SI: variants seen among roughly 807,000 people sequenced by gnomAD.
The protein encoded by SI is sucrase-isomaltase, also known as sucrase-isomaltase, intestinal.
SI carries 235 observed loss-of-function variants against 253.3 expected under a neutral mutation model. The observed-to-expected ratio is 0.93, with a 90% confidence interval of 0.83 to 1.03. SI has a LOEUF of 1.03. Among genes scored for constraint, SI ranks in the 50% least tolerant of loss-of-function variants. The pLI, the probability that SI is intolerant of heterozygous loss-of-function variation, is 0.00. For missense variants in SI, 2,442 were observed against 2,211.1 expected, an observed-to-expected ratio of 1.10 and a Z score of -2.09; for synonymous variants, 819 against 712.0, an observed-to-expected ratio of 1.15 and a Z score of -2.39.
At chr3:165,039,039 T>C (rs1576902340) in intron 20 of SI, 39 bp downstream of exon 20, 1 of 1,306,428 alleles carries the variant, frequency 7.7e-7, no homozygotes, top group Non-Finnish European at 1.1e-6. Flanking sequence ...TTTGAAAATA[T>C]AATACTTGTG....
chr3:165,018,473 T>C (rs1007790716), intron 28 of SI, among the ~76,000 whole-genome samples: 8 of 150,856 alleles, frequency 5.3e-5, no homozygotes, highest in African/African-American at 2.4e-5. Flanking sequence ...TAGTAAAATG[T>C]CCTAGAAATG....
intron 7 of SI, among the ~76,000 whole-genome samples, chr3:165,064,403 G>A (rs1714127293): frequency 6.6e-6 from 1 of 152,112 alleles, no homozygotes; most frequent in African/African-American, 2.4e-5. Context: ...GCTGCAAACA[G>A]AGATTAGTAA....
intron 31 of SI, 72 bp from the exon 32 acceptor site, chr3:165,016,152 T>G: frequency 7.4e-7 from 1 of 1,351,470 alleles, no homozygotes; most frequent in Non-Finnish European, 1.1e-6. Flanking sequence ...TTTATCATAC[T>G]TATAAAAGTA....
intron 44 of SI, among the ~76,000 whole-genome samples, chr3:164,989,101 A>C (rs9863015): frequency 0.44 from 65,333 of 148,830 alleles, 16,418 homozygotes; most frequent in East Asian, 0.78. Context: ...TAAATAAATA[A>C]ATAAATACAT....
At position 165,068,977 on chromosome 3, in the gene SI, C is replaced by G. The variant is rs934506182; in HGVS notation, c.373+101G>C. On this transcript the variant is annotated intron_variant, in intron 4 of 47. Coordinates refer to ENST00000264382, the MANE Select transcript of SI (RefSeq NM_001041.4). Reference sequence around the variant, plus strand: ...CAAAAATAAGGAATTTGAACATTCTCAGGAACATATTTCTTATTTGATTCT... The same window carrying G: ...CAAAAATAAGGAATTTGAACATTCTGAGGAACATATTTCTTATTTGATTCT... The G allele has an allele frequency of 1.8e-5, 19 of 1,057,866 alleles. No homozygotes were observed. In the African/African-American group the frequency reaches 1.9e-4, roughly 11 times the overall value. 65.5% of individuals were successfully genotyped at this position (1,057,866 alleles called of 1,614,324 possible). A position where few individuals can be genotyped will look rare whatever the true frequency, so the allele number is the denominator to read the frequency against.
At chr3:165,038,986 A>G (rs1712677517) in intron 20 of SI, 92 bp downstream of exon 20, 1 of 761,726 alleles carries the variant, frequency 1.3e-6, no homozygotes, top group Admixed American at 2.1e-5. Flanking sequence ...TATGTATGCT[A>G]TGTAGTTAAG....
rs373731248 is a variant in SI at position 165,015,108 on chromosome 3, A to G, written c.3999+15T>C. The G allele has an allele frequency of 6.4e-6, 10 of 1,553,584 alleles. No individual in the cohort carries two copies. The highest frequency in any genetic ancestry group is 2.7e-5 in the African/African-American group (2 of 73,706). ...ATTTTTGTATTTATTCTATTTCAAG[A>G]TATCGATTTAGTACCTTTGCCCAAC... On this transcript the variant is annotated intron_variant, in intron 33 of 47. Transcript: ENST00000264382.
intron 44 of SI, among the ~76,000 whole-genome samples, chr3:164,988,930 T>C (rs1223095254): frequency 6.6e-6 from 1 of 151,832 alleles, no homozygotes; most frequent in Non-Finnish European, 1.5e-5. Flanking sequence ...GTTATAAAAA[T>C]GGTGATAGAC....
rs138722297 is a variant in SI, at chr3:165,039,499, T to C, written c.2245-365A>G. On this transcript the variant is annotated intron_variant, in intron 19 of 47. Coordinates refer to ENST00000264382, the MANE Select transcript of SI (RefSeq NM_001041.4). ...AATAATTACCAACCCACTCCAGTGT[T>C]TCTCCAACATTTTCATCTGATCAGC... Among the ~76,000 whole-genome samples the C allele has an allele frequency of 9.2e-5, 14 of 152,224 alleles. No individual in the cohort carries two copies. The East Asian group carries it at 2.5e-3, about 27-fold the overall frequency.
chr3:165,023,468 G>T (rs1711735508), intron 26 of SI, 102 bp downstream of exon 26: 2 of 853,504 alleles, frequency 2.3e-6, no homozygotes, highest in South Asian at 1.5e-5. Context: ...TATCAAATCT[G>T]TTAATAACCT....
rs754617859 is a variant in SI, at chr3:164,992,308, C to T, written c.4926+5G>A. ...GTGTAAACAAAAATATGTGGTAGGACTTACAGGTTCCAGTACTGGGGTAAC... is the reference window on the plus strand; with the variant it reads ...GTGTAAACAAAAATATGTGGTAGGATTTACAGGTTCCAGTACTGGGGTAAC... On this transcript the variant is annotated splice_donor_5th_base_variant and intron_variant, in intron 42 of 47. Transcript: ENST00000264382. 1.2e-6 allele frequency: 2 copies of T among 1,612,356 alleles called. No homozygotes were observed. Among genetic ancestry groups the T allele is most frequent in the African/African-American group, 1.3e-5 (1 of 74,854 alleles).
intron 37 of SI, among the ~76,000 whole-genome samples, chr3:165,000,618 T>C (rs1718212629): frequency 6.6e-6 from 1 of 151,434 alleles, no homozygotes; most frequent in African/African-American, 2.4e-5. Context: ...ATAATAATTT[T>C]CTCTTAAGGG....
Position 165,019,689 on chromosome 3 carries a change from A to G in SI, c.3336T>C (p.Tyr1112=), listed in dbSNP as rs774897925. Residue 1112 remains tyrosine (Y), a synonymous_variant, in exon 28 of 48, where the codon TAT becomes TAC. Transcript: ENST00000264382. The stretch of plus-strand genomic sequence containing the variant: ...CTGTATGTTCCACTTCCCCAAAACC[A>G]TATATATATTCTGATGGCAGGCGAG... The part of the protein sequence containing the change: ...ISTRLPSEYI[Y]GFGEVEHTAF... 2.5e-6 allele frequency: 4 copies of G among 1,611,668 alleles called. No individual in the cohort carries two copies. The highest frequency in any genetic ancestry group is 2.5e-6 in the Non-Finnish European group (3 of 1,178,358).
intron 24 of SI, among the ~76,000 whole-genome samples, chr3:165,031,358 T>C (rs1010230888): frequency 6.8e-6 from 1 of 147,386 alleles, no homozygotes; most frequent in Non-Finnish European, 1.5e-5. Context: ...TATATATATA[T>C]AATATATATA....
Position 164,979,230 on chromosome 3 carries a change from A to T in SI, c.*132T>A. ...GCATTATCATTGATGTACGCTACAAAATAACTTTTCGATGTTATGAAAGCT... is the reference window on the plus strand; with the variant it reads ...GCATTATCATTGATGTACGCTACAATATAACTTTTCGATGTTATGAAAGCT... On this transcript the variant is annotated 3_prime_UTR_variant, in exon 48 of 48. Coordinates refer to ENST00000264382, the MANE Select transcript of SI (RefSeq NM_001041.4). 1.4e-6 allele frequency: 1 copy of T among 708,352 alleles called. No individual in the cohort carries two copies. The highest frequency in any genetic ancestry group is 1.5e-5 in the South Asian group (1 of 67,710). 43.9% of individuals were successfully genotyped at this position (708,352 alleles called of 1,614,324 possible).
intron 1 of SI, among the ~76,000 whole-genome samples, chr3:165,076,474 T>C (rs1714981054): frequency 6.6e-6 from 1 of 151,788 alleles, no homozygotes; most frequent in Non-Finnish European, 1.5e-5. Flanking sequence ...AAAGAATAAG[T>C]TATAGTTCAA....
chr3:165,048,493 A>C (rs562223235), intron 15 of SI, among the ~76,000 whole-genome samples: 1 of 149,464 alleles, frequency 6.7e-6, no homozygotes, highest in Non-Finnish European at 1.5e-5. Context: ...GAAATGGTAA[A>C]ATTTTGAAGG....
chr3:165,030,403 T>G (rs568945313), intron 25 of SI, among the ~76,000 whole-genome samples: 7 of 151,070 alleles, frequency 4.6e-5, no homozygotes, highest in Middle Eastern at 6.8e-3. Flanking sequence ...GCAAATCAGC[T>G]ACAGTCAACA....
chr3:165,032,733 G>T (rs563909080), intron 23 of SI, 41 bp from the exon 24 acceptor site: 116 of 1,345,502 alleles, frequency 8.6e-5, no homozygotes, highest in Non-Finnish European at 1.1e-4. Context: ...TAGGTCATCA[G>T]ATACAAACCT....
Sources: allele counts gnomAD v4.1 joint callset (sites outside exome capture counted in the v4.1 genomes callset), GRCh38; gene constraint gnomAD v4.1.1; transcripts MANE v1.5; gene names NCBI Gene and HGNC (gene_info 2026-07-23, HGNC 2026-07-21).